PELI2: variants seen among roughly 807,000 people sequenced by gnomAD.
PELI2 encodes pellino E3 ubiquitin protein ligase family member 2, also known as E3 ubiquitin-protein ligase pellino homolog 2.
Under a neutral mutation model 42.3 loss-of-function variants are expected in PELI2, and 23 were observed. The observed-to-expected ratio is 0.54, with a 90% CI of 0.39 to 0.77. The LOEUF is 0.77. Ranked by LOEUF, PELI2 falls within the 30% of genes least tolerant of loss-of-function variation. PELI2 has a pLI of 0.00. For missense variants in PELI2, 463 were observed against 553.2 expected, an observed-to-expected ratio of 0.84 and a Z score of 1.64; for synonymous variants, 245 against 212.2, an observed-to-expected ratio of 1.15 and a Z score of -1.34.
chr14:56,125,417 G>C (rs1456242548), intron 1 of PELI2, among the ~76,000 whole-genome samples: 2 of 80,530 alleles, frequency 2.5e-5, no homozygotes, highest in African/African-American at 7.7e-5. Flanking sequence ...TGGGTGGGCA[G>C]GGGGGGGGTG....
At chr14:56,204,208 G>C (rs79494021) in intron 2 of PELI2, among the ~76,000 whole-genome samples, 20,488 of 152,196 alleles carry the variant, frequency 0.13, 1,531 homozygotes, top group Middle Eastern at 0.17. Flanking sequence ...CTCAAAGTTG[G>C]TGAATACTTG....
At chr14:56,151,527 G>GT (rs1491420933) in intron 1 of PELI2, among the ~76,000 whole-genome samples, 2 of 152,186 alleles carry the variant, frequency 1.3e-5, no homozygotes, top group Non-Finnish European at 1.5e-5. Flanking sequence ...TTAGAATGTA[G>GT]TTGTTCAGCT....
At chr14:56,250,602 C>T (rs768934531) in intron 2 of PELI2, among the ~76,000 whole-genome samples, 4 of 152,078 alleles carry the variant, frequency 2.6e-5, no homozygotes, top group Non-Finnish European at 4.4e-5. Flanking sequence ...GTCTGATGTT[C>T]GAGGGCAGGA....
At chr14:56,234,408 A>G (rs989725089) in intron 2 of PELI2, among the ~76,000 whole-genome samples, 1 of 152,230 alleles carries the variant, frequency 6.6e-6, no homozygotes, top group African/African-American at 2.4e-5. Context: ...ACACCATGGA[A>G]TACTATACAG....
intron 1 of PELI2, among the ~76,000 whole-genome samples, chr14:56,125,242 C>T (rs1044306055): frequency 6.6e-6 from 1 of 152,148 alleles, no homozygotes; most frequent in Non-Finnish European, 1.5e-5. Context: ...AGCACTGCTC[C>T]CAGCCCTGGG....
rs189910961 is a variant in PELI2 at position 56,207,004 on chromosome 14, A to C, written c.207+28540A>C. Among the ~76,000 whole-genome samples, 11 of 152,312 alleles carry C rather than the reference A, an allele frequency of 7.2e-5. No homozygotes were observed. The East Asian group carries it at 2.1e-3, about 29-fold the overall frequency. ...AAGGTTCTTAGTTTTCAGTGATTAC[A>C]TGGGTATTCAATTGTAATTCTGCAG... On this transcript the variant is annotated intron_variant, in intron 2 of 5. Coordinates refer to ENST00000267460, the MANE Select transcript of PELI2 (RefSeq NM_021255.3).
intron 5 of PELI2, among the ~76,000 whole-genome samples, chr14:56,291,864 G>T (rs556601760): frequency 6.6e-6 from 1 of 152,364 alleles, no homozygotes; most frequent in Non-Finnish European, 1.5e-5. Context: ...TTAGCAGGTG[G>T]CAGCCAGTGG....
At chr14:56,119,795 C>G in intron 1 of PELI2, 1 of 984,682 alleles carries the variant, frequency 1.0e-6, no homozygotes, top group South Asian at 4.7e-5. Context: ...ATGTGTCGCT[C>G]TGGGAACCCG....
intron 2 of PELI2, among the ~76,000 whole-genome samples, chr14:56,252,426 A>C (rs1888378815): frequency 6.6e-6 from 1 of 152,352 alleles, no homozygotes; most frequent in Admixed American, 6.5e-5. Flanking sequence ...TAGAAAATAT[A>C]GTTGTAAAGT....
intron 1 of PELI2, among the ~76,000 whole-genome samples, chr14:56,173,036 A>G (rs902966735): frequency 2.0e-5 from 3 of 152,124 alleles, no homozygotes; most frequent in African/African-American, 4.8e-5. Flanking sequence ...AGTAGCCTAT[A>G]TTATTCTCAT....
At chr14:56,183,003 A>G (rs1885641959) in intron 2 of PELI2, among the ~76,000 whole-genome samples, 1 of 151,906 alleles carries the variant, frequency 6.6e-6, no homozygotes, top group Non-Finnish European at 1.5e-5. Context: ...TCAGCCTCAG[A>G]CTTTTGCATT....
chr14:56,255,976 T>C (rs1481009504), intron 2 of PELI2, among the ~76,000 whole-genome samples: 2 of 152,186 alleles, frequency 1.3e-5, no homozygotes, highest in Non-Finnish European at 2.9e-5. Context: ...TACAGGGTGC[T>C]CTTTGTTAGA....
intron 2 of PELI2, among the ~76,000 whole-genome samples, chr14:56,278,029 A>G (rs1360696597): frequency 6.6e-6 from 1 of 152,228 alleles, no homozygotes; most frequent in Non-Finnish European, 1.5e-5. Flanking sequence ...TAGACATTTT[A>G]TGCAATATGT....
chr14:56,138,643 A>G (rs1358538895), intron 1 of PELI2, among the ~76,000 whole-genome samples: 3 of 152,218 alleles, frequency 2.0e-5, no homozygotes, highest in Admixed American at 6.5e-5. Flanking sequence ...TGACGTGTGA[A>G]TAATAATGGA....
intron 2 of PELI2, among the ~76,000 whole-genome samples, chr14:56,278,862 T>C (rs1015327841): frequency 3.3e-5 from 5 of 152,132 alleles, no homozygotes; most frequent in Admixed American, 3.3e-4. Context: ...ATAAGTTAGA[T>C]TGAAGTAGAA....
intron 1 of PELI2, among the ~76,000 whole-genome samples, chr14:56,140,154 A>G (rs1459765851): frequency 6.6e-6 from 1 of 152,038 alleles, no homozygotes; most frequent in African/African-American, 2.4e-5. Context: ...TGGGTGCTTC[A>G]ATTGAGTGCT....
intron 1 of PELI2, among the ~76,000 whole-genome samples, chr14:56,126,859 A>C (rs947205859): frequency 6.6e-6 from 1 of 152,242 alleles, no homozygotes; most frequent in Non-Finnish European, 1.5e-5. Context: ...GATGTAGTAC[A>C]TAAGATTACA....
rs2139670292 is a variant in PELI2, at chr14:56,180,031, T to C, written c.207+1567T>C. Among the ~76,000 whole-genome samples the C allele has an allele frequency of 6.6e-6, 1 of 152,332 alleles. No homozygotes were observed. Among genetic ancestry groups the C allele is most frequent in the East Asian group, 1.9e-4 (1 of 5,186 alleles). The stretch of plus-strand genomic sequence containing the variant: ...CTTCTTTAATCTTTAGCCACTGCCA[T>C]CTCCTCCCATTTTAGCCTTTTATGT... On this transcript the variant is annotated intron_variant, in intron 2 of 5. Coordinates refer to ENST00000267460, the MANE Select transcript of PELI2 (RefSeq NM_021255.3). The surrounding 1 kb of genome is among the most constrained non-coding windows in gnomAD (Gnocchi z 4.4).
Position 56,299,099 on chromosome 14 carries a change from CT to C in PELI2, c.*1937del. Reference sequence around the variant, plus strand: ...GAATGACAAAGGAGGCACTCGTTCTCTTTTCTTGCTGTATGCCTAGAAAGTG... The same window carrying C: ...GAATGACAAAGGAGGCACTCGTTCTCTTTCTTGCTGTATGCCTAGAAAGTG... On this transcript the variant is annotated 3_prime_UTR_variant, in exon 6 of 6. Transcript: ENST00000267460. 1 of 152,186 alleles carries C rather than the reference CT, an allele frequency of 6.6e-6. No homozygotes were observed. 9.4% of individuals were successfully genotyped at this position (152,186 alleles called of 1,614,324 possible).
Sources: allele counts gnomAD v4.1 joint callset (sites outside exome capture counted in the v4.1 genomes callset), GRCh38; gene constraint gnomAD v4.1.1; non-coding constraint Gnocchi (gnomAD v3.1); transcripts MANE v1.5; gene names NCBI Gene and HGNC (gene_info 2026-07-23, HGNC 2026-07-21).